Variants in RNF115 observed in about 807,000 individuals in gnomAD.
The protein encoded by RNF115 is E3 ubiquitin-protein ligase RNF115.
RNF115 carries 31 observed loss-of-function variants against 39.2 expected under a neutral mutation model. The ratio of observed to expected loss-of-function variants is 0.79; its 90% confidence interval spans 0.59 to 1.07. The LOEUF is 1.07. Ranked by LOEUF, RNF115 falls within the 50% of genes least tolerant of loss-of-function variation. The pLI, the probability that RNF115 is intolerant of heterozygous loss-of-function variation, is 0.00. For missense variants in RNF115, 384 were observed against 381.7 expected (o/e 1.01, Z -0.05); for synonymous variants, 124 against 131.0 (o/e 0.95, Z 0.37).
chr1:145,782,806 A>T (rs1338498932), intron 3 of RNF115, among the ~76,000 whole-genome samples: 7 of 152,244 alleles, frequency 4.6e-5, no homozygotes, highest in Non-Finnish European at 1.5e-5. Context: ...CACACACAAG[A>T]GGAAAGAATA....
At chr1:145,801,928 C>T (rs1246584811) in intron 1 of RNF115, among the ~76,000 whole-genome samples, 2 of 152,162 alleles carry the variant, frequency 1.3e-5, no homozygotes, top group Non-Finnish European at 2.9e-5. Flanking sequence ...GCTGGGACTA[C>T]AGGTGTATAC....
chr1:145,760,925 C>T (rs1235432041), intron 4 of RNF115, among the ~76,000 whole-genome samples: 6 of 152,144 alleles, frequency 3.9e-5, no homozygotes, highest in African/African-American at 1.4e-4. Context: ...GTGATATGGA[C>T]AATAAGGTCC....
intron 2 of RNF115, among the ~76,000 whole-genome samples, chr1:145,787,390 G>A (rs768355312): frequency 1.6e-4 from 25 of 151,782 alleles, no homozygotes; most frequent in South Asian, 4.2e-4. Flanking sequence ...TGGCAAACAC[G>A]GTGAAACCCC....
chr1:145,780,669 AT>A (rs1441985302), intron 3 of RNF115, among the ~76,000 whole-genome samples: 1 of 151,676 alleles, frequency 6.6e-6, no homozygotes, highest in Non-Finnish European at 1.5e-5. Flanking sequence ...ATATTTTTAA[AT>A]TTTTTACTGC....
intron 1 of RNF115, among the ~76,000 whole-genome samples, chr1:145,798,177 T>C (rs1649069807): frequency 6.6e-6 from 1 of 152,146 alleles, no homozygotes; most frequent in Non-Finnish European, 1.5e-5. Flanking sequence ...TTTGCTTTTG[T>C]TGCCTGTGCT....
At chr1:145,752,015 C>T (rs1430668825) in intron 5 of RNF115, among the ~76,000 whole-genome samples, 4 of 152,082 alleles carry the variant, frequency 2.6e-5, no homozygotes, top group African/African-American at 9.7e-5. Flanking sequence ...AGGGACTTGG[C>T]AACACCGTTT....
At position 145,739,495 on chromosome 1, in the gene RNF115, A is replaced by G. The variant is rs1475857731; in HGVS notation, c.*7371T>C. On this transcript the variant is annotated 3_prime_UTR_variant, in exon 9 of 9. Coordinates refer to ENST00000582693, the MANE Select transcript of RNF115 (RefSeq NM_014455.4). ...ATTTTAGACTGTATCCCATGGAGAT[A>G]AAAGGACTAGCCATGGAGGCAAAAA... 6 of 152,232 alleles carry G rather than the reference A, an allele frequency of 3.9e-5. No homozygotes were observed. The highest frequency in any genetic ancestry group is 1.4e-4 in the African/African-American group (6 of 41,458). The allele number at this position is 152,232 out of a possible 1,614,324, so 9.4% of individuals were successfully genotyped here.
chr1:145,821,965 T>C (rs1294851884), intron 1 of RNF115, among the ~76,000 whole-genome samples: 1 of 146,244 alleles, frequency 6.8e-6, no homozygotes, highest in Non-Finnish European at 1.5e-5. Flanking sequence ...AGACACCTGC[T>C]CTTCCCAGCA....
intron 3 of RNF115, among the ~76,000 whole-genome samples, chr1:145,777,170 C>T (rs1397092508): frequency 1.3e-5 from 2 of 152,150 alleles, no homozygotes; most frequent in African/African-American, 4.8e-5. Context: ...ATATACAATT[C>T]CACAACATTT....
intron 4 of RNF115, among the ~76,000 whole-genome samples, chr1:145,753,381 G>A (rs1397762080): frequency 6.6e-6 from 1 of 152,150 alleles, no homozygotes; most frequent in Non-Finnish European, 1.5e-5. Context: ...TGCCGAGCCA[G>A]TGGAACTCTG....
chr1:145,782,108 T>A (rs1553717511), intron 3 of RNF115, among the ~76,000 whole-genome samples: 3 of 152,050 alleles, frequency 2.0e-5, no homozygotes, highest in African/African-American at 7.2e-5. Flanking sequence ...TTTCACCATG[T>A]TGGCCAGGCT....
chr1:145,797,057 A>G (rs1649017645), intron 1 of RNF115, among the ~76,000 whole-genome samples: 2 of 152,178 alleles, frequency 1.3e-5, no homozygotes, highest in Admixed American at 6.5e-5. Context: ...ACTGAAACGT[A>G]CCAGATCACT....
intron 1 of RNF115, among the ~76,000 whole-genome samples, chr1:145,796,076 T>A (rs587630652): frequency 2.0e-5 from 3 of 152,360 alleles, no homozygotes; most frequent in African/African-American, 7.2e-5. Context: ...CTTAGATACT[T>A]GGAAACCCCA....
chr1:145,766,661 C>T (rs1647296823), intron 4 of RNF115, among the ~76,000 whole-genome samples: 2 of 147,086 alleles, frequency 1.4e-5, no homozygotes, highest in Admixed American at 6.7e-5. Flanking sequence ...GGGCGGCTGG[C>T]CGGGCGGGGG....
In RNF115 at chr1:145,739,332, G is replaced by GAA; in HGVS notation, c.*7532_*7533dup. 1 of 152,294 alleles carries GAA rather than the reference G, an allele frequency of 6.6e-6. No homozygotes were observed. Among genetic ancestry groups the GAA allele is most frequent in the South Asian group, 2.1e-4 (1 of 4,816 alleles). The allele number at this position is 152,294 out of a possible 1,614,324, so 9.4% of individuals were successfully genotyped here. On this transcript the variant is annotated 3_prime_UTR_variant, in exon 9 of 9. Coordinates refer to ENST00000582693, the MANE Select transcript of RNF115 (RefSeq NM_014455.4). Reference sequence around the variant, plus strand: ...CAGCTCCATGGTGAGCCATTAAAAGGAAAGAGACACTTTACCTGTGCTCCT... The same window carrying GAA: ...CAGCTCCATGGTGAGCCATTAAAAGGAAAAAGAGACACTTTACCTGTGCTCCT...
rs1222103908 is a variant in RNF115, at chr1:145,744,122, TTCTC to T, written c.*2740_*2743del. The T allele has an allele frequency of 6.6e-6, 1 of 152,344 alleles. No individual in the cohort carries two copies. The highest frequency in any genetic ancestry group is 2.4e-5 in the African/African-American group (1 of 41,476). 9.4% of individuals were successfully genotyped at this position (152,344 alleles called of 1,614,324 possible). A position where few individuals can be genotyped will look rare whatever the true frequency, so the allele number is the denominator to read the frequency against. On this transcript the variant is annotated 3_prime_UTR_variant, in exon 9 of 9. Coordinates refer to ENST00000582693, the MANE Select transcript of RNF115 (RefSeq NM_014455.4). ...TCCTTTCTAGTTCTCTAGGCATTGG[TTCTC>T]TATCTGTACGTAAAACTACAACTGC...
chr1:145,775,348 T>C (rs1647833100), intron 3 of RNF115, among the ~76,000 whole-genome samples: 1 of 151,316 alleles, frequency 6.6e-6, no homozygotes, highest in South Asian at 2.1e-4. Context: ...AATAATAAAA[T>C]AGAACAGTTA....
intron 1 of RNF115, among the ~76,000 whole-genome samples, chr1:145,814,216 T>C (rs61816206): frequency 2.0e-4 from 31 of 151,956 alleles, no homozygotes; most frequent in African/African-American, 2.4e-4. Flanking sequence ...GCCGTGATCA[T>C]GCCACTGCAC....
chr1:145,804,142 A>T (rs1649366059), intron 1 of RNF115, among the ~76,000 whole-genome samples: 1 of 152,250 alleles, frequency 6.6e-6, no homozygotes, highest in African/African-American at 2.4e-5. Flanking sequence ...ACAAAGTGAC[A>T]ACATTCATTC....
Sources: gnomAD v4.1 joint callset for allele counts (sites outside exome capture counted in the v4.1 genomes callset) on GRCh38, gnomAD v4.1.1 for gene constraint, MANE v1.5 for transcripts, NCBI Gene and HGNC (gene_info 2026-07-23, HGNC 2026-07-21) for gene names.